The following SLCO4A1 variants were observed in gnomAD, a reference collection of about 807,000 sequenced individuals.
The protein encoded by SLCO4A1 is solute carrier organic anion transporter family member 4A1.
SLCO4A1 carries 51 observed loss-of-function variants against 64.6 expected under a neutral mutation model. That is an observed-to-expected ratio of 0.79 (90% confidence interval 0.63 to 1.00). The LOEUF (loss-of-function observed/expected upper bound fraction) is 1.00, where lower values mean the gene tolerates loss of function less well. SLCO4A1 is among the 50% of genes least tolerant of loss of function. SLCO4A1 has a pLI of 0.00. For synonymous variants in SLCO4A1, 471 were observed against 444.9 expected, an observed-to-expected ratio of 1.06 and a Z score of -0.74; for missense variants, 919 against 980.5, an observed-to-expected ratio of 0.94 and a Z score of 0.84.
intron 5 of SLCO4A1, among the ~76,000 whole-genome samples, chr20:62,662,802 G>T (rs551296680): frequency 2.3e-5 from 3 of 129,284 alleles, no homozygotes; most frequent in African/African-American, 8.9e-5. Context: ...CACACCACAC[G>T]CCAGAACCCC....
chr20:62,676,866 A>C (rs536780699), downstream of SLCO4A1, among the ~76,000 whole-genome samples: 73 of 152,370 alleles, frequency 4.8e-4, no homozygotes, highest in African/African-American at 1.7e-3. Flanking sequence ...GTTGCTCATA[A>C]CAGTCAAAAA....
chr20:62,659,473 C>T (rs1048831048), intron 3 of SLCO4A1, among the ~76,000 whole-genome samples: 4 of 152,210 alleles, frequency 2.6e-5, no homozygotes, highest in Non-Finnish European at 5.9e-5. Flanking sequence ...TGACCTCTTA[C>T]AAAAGCCCCT....
At position 62,656,886 on chromosome 20, in the gene SLCO4A1, C is replaced by T. The variant is rs1983833245; in HGVS notation, c.432C>T (p.Leu144=). 3 of 1,581,170 alleles carry T rather than the reference C, an allele frequency of 1.9e-6. No individual in the cohort carries two copies. Among genetic ancestry groups the T allele is most frequent in the Non-Finnish European group, 2.6e-6 (3 of 1,157,914 alleles). The change falls in exon 2 of 12, where the codon CTC becomes CTT. Residue 144 remains leucine (L), a synonymous_variant. Transcript: ENST00000217159. The stretch of plus-strand genomic sequence containing the variant: ...ACCTGCACAGCTACCAGAGCGGGCT[C>T]ATCGCCAGCTCCTACGACATTGCCG... The part of the protein sequence containing the change: ...RYDLHSYQSG[L]IASSYDIAAC...
downstream of SLCO4A1, among the ~76,000 whole-genome samples, chr20:62,689,288 C>T (rs1312844085): frequency 6.6e-6 from 1 of 151,108 alleles, no homozygotes; most frequent in Non-Finnish European, 1.5e-5. Flanking sequence ...CCCGGCTGTG[C>T]CCCGTGCCTC....
chr20:62,690,415 C>T (rs1465956392), downstream of SLCO4A1, among the ~76,000 whole-genome samples: 2 of 152,200 alleles, frequency 1.3e-5, no homozygotes, highest in East Asian at 1.9e-4. Context: ...GCAGGAGCCC[C>T]GGGAATCCCA....
intron 2 of SLCO4A1, among the ~76,000 whole-genome samples, chr20:62,682,384 G>A (rs893795407): frequency 3.3e-5 from 5 of 152,184 alleles, no homozygotes; most frequent in South Asian, 4.1e-4. Flanking sequence ...GTGAATTGCC[G>A]GGGCCACAGA....
chr20:62,671,756 G>A lies in SLCO4A1; in HGVS notation c.2032G>A (p.Gly678Ser), dbSNP rs1987252371. ...LIMGLLYKVL[G>S]VLFFAIACFL... ...CGGGCTCCTCTCTCCCCAGGTGCTG[G>A]GCGTCCTCTTCTTTGCCATAGCCTG... is the stretch of plus-strand genomic sequence containing the variant. Residue 678 changes from glycine to serine, a missense_variant, in exon 12 of 12, where the codon GGC (glycine) becomes AGC (serine). Gly to Ser is a moderately conservative substitution (Grantham distance 56, BLOSUM62 0). Transcript: ENST00000217159. The A allele has an allele frequency of 6.2e-7, 1 of 1,613,056 alleles. No homozygotes were observed. The highest frequency in any genetic ancestry group is 8.5e-7 in the Non-Finnish European group (1 of 1,179,598).
At chr20:62,657,682 A>G (rs144983463) in intron 2 of SLCO4A1, among the ~76,000 whole-genome samples, 11 of 152,322 alleles carry the variant, frequency 7.2e-5, no homozygotes, top group African/African-American at 2.6e-4. Context: ...GGCCACACCC[A>G]TGTTTCCCTG....
At chr20:62,654,726 T>A (rs1983323245) in intron 1 of SLCO4A1, among the ~76,000 whole-genome samples, 1 of 151,662 alleles carries the variant, frequency 6.6e-6, no homozygotes, top group Non-Finnish European at 1.5e-5. Context: ...CCGGGGTCCC[T>A]GTTGAATGTG....
chr20:62,653,505 T>C (rs1013382754), intron 1 of SLCO4A1, among the ~76,000 whole-genome samples: 2 of 152,256 alleles, frequency 1.3e-5, no homozygotes, highest in Admixed American at 1.3e-4. Flanking sequence ...CTGTAGTGTC[T>C]GTCAGCATAG....
rs896564641 is a variant in SLCO4A1, at chr20:62,644,033, A to G, written c.-97+1480A>G. Among the ~76,000 whole-genome samples the G allele has an allele frequency of 2.0e-5, 3 of 152,166 alleles. No homozygotes were observed. Among genetic ancestry groups the G allele is most frequent in the African/African-American group, 7.2e-5 (3 of 41,428 alleles). On this transcript the variant is annotated intron_variant, in intron 1 of 11. Transcript: ENST00000217159. This position sits in a 1 kb window ranked among gnomAD's most constrained non-coding sequence, Gnocchi z 5.4. ...GCTCCTGTTTTACGACTCTGTTCTT[A>G]AAGAGGCAAAAGGCGACTGCAGGGT...
chr20:62,647,214 T>C (rs938684272), intron 1 of SLCO4A1, among the ~76,000 whole-genome samples: 6 of 152,062 alleles, frequency 3.9e-5, no homozygotes, highest in African/African-American at 1.4e-4. Flanking sequence ...CTGGAGTGAA[T>C]TTGGAGATAG....
chr20:62,643,704 GGA>G (rs569597349), intron 1 of SLCO4A1, among the ~76,000 whole-genome samples: 311 of 152,376 alleles, frequency 2.0e-3, no homozygotes, highest in Admixed American at 3.7e-3. Context: ...CCCAGCAGCG[GGA>G]GCAAATGGAT....
Position 62,685,281 on chromosome 20 carries a change from G to A in SLCO4A1, n.212-160G>A, listed in dbSNP as rs1329909769. ...GTGGTGGGGAGTGGGGGCTGGGTCG[G>A]GGCTGGGCCCTGGCTGCCCTGGCTG... On this transcript the variant is annotated intron_variant and non_coding_transcript_variant, in intron 2 of 2. Coordinates refer to the SLCO4A1 transcript ENST00000466818. The surrounding 1 kb of genome is among the most constrained non-coding windows in gnomAD (Gnocchi z 4.6). Among the ~76,000 whole-genome samples, 1 of 151,370 alleles carries A rather than the reference G, an allele frequency of 6.6e-6. No individual in the cohort carries two copies. The highest frequency in any genetic ancestry group is 1.5e-5 in the Non-Finnish European group (1 of 67,714).
At chr20:62,649,360 A>G (rs1174201335) in intron 1 of SLCO4A1, 2 of 152,252 alleles carry the variant, frequency 1.3e-5, no homozygotes, top group Non-Finnish European at 2.9e-5. Flanking sequence ...CACCCTTCAC[A>G]TGCTAATCTC....
At chr20:62,688,291 C>T (rs1018065783), downstream of SLCO4A1, among the ~76,000 whole-genome samples, 4 of 152,128 alleles carry the variant, frequency 2.6e-5, no homozygotes, top group Non-Finnish European at 4.4e-5. Flanking sequence ...TGCCCGCGGC[C>T]CCCCACGAGG....
At chr20:62,662,105 G>A (rs1251990444) in intron 5 of SLCO4A1, among the ~76,000 whole-genome samples, 1 of 152,200 alleles carries the variant, frequency 6.6e-6, no homozygotes, top group Non-Finnish European at 1.5e-5. Context: ...AGTCCCTGCT[G>A]CCTGCCCTCA....
intron 9 of SLCO4A1, 130 bp downstream of exon 9, chr20:62,668,314 G>A: frequency 7.9e-7 from 1 of 1,270,884 alleles, no homozygotes. Flanking sequence ...TGTCACTGGT[G>A]GCAGGAGAGA....
At chr20:62,653,292 C>A (rs2427366) in intron 1 of SLCO4A1, among the ~76,000 whole-genome samples, 42 of 152,268 alleles carry the variant, frequency 2.8e-4, no homozygotes, top group Non-Finnish European at 4.4e-4. Flanking sequence ...CCTGAGATCC[C>A]TGTGGCCTTG....
Sources: allele counts gnomAD v4.1 joint callset (sites outside exome capture counted in the v4.1 genomes callset), GRCh38; gene constraint gnomAD v4.1.1; non-coding constraint Gnocchi (gnomAD v3.1); transcripts MANE v1.5; gene names NCBI Gene and HGNC (gene_info 2026-07-23, HGNC 2026-07-21).